NEMP2: variants seen among roughly 807,000 people sequenced by gnomAD.
The protein encoded by NEMP2 is nuclear envelope integral membrane protein 2.
Under a neutral mutation model 54.2 loss-of-function variants are expected in NEMP2, and 53 were observed. The observed-to-expected ratio is 0.98, with a 90% CI of 0.78 to 1.23. The LOEUF is 1.23. Ranked by LOEUF, NEMP2 falls within the 50% of genes most tolerant of loss-of-function variation. NEMP2 has a pLI of 0.00. For missense variants in NEMP2, 455 were observed against 511.3 expected, an observed-to-expected ratio of 0.89 and a Z score of 1.06; for synonymous variants, 197 against 190.3, an observed-to-expected ratio of 1.04 and a Z score of -0.29.
the NEMP2 span, among the ~76,000 whole-genome samples, chr2:190,639,319 T>C: frequency 2.6e-5 from 4 of 152,030 alleles, no homozygotes; most frequent in African/African-American, 9.7e-5. Context: ...CATGTAGTTA[T>C]ACAGGCCAGA....
At position 190,514,729 on chromosome 2, in the gene NEMP2, T is replaced by C. The variant is rs1017726196; in HGVS notation, c.728-51A>G. 6.6e-7 allele frequency: 1 copy of C among 1,507,944 alleles called. No homozygotes were observed. The highest frequency in any genetic ancestry group is 9.0e-7 in the Non-Finnish European group (1 of 1,109,748). The allele number at this position is 1,507,944 out of a possible 1,614,324, so 93.4% of individuals were successfully genotyped here. Reference sequence around the variant, plus strand: ...ATATAAATTTGAATTTGAGACATTATGTGAAAAACCTGGCAGAGCCTTGAC... The same window carrying C: ...ATATAAATTTGAATTTGAGACATTACGTGAAAAACCTGGCAGAGCCTTGAC... On this transcript the variant is annotated intron_variant, in intron 6 of 8. Coordinates refer to ENST00000409150, the MANE Select transcript of NEMP2 (RefSeq NM_001142645.2). This position sits in a 1 kb window ranked among gnomAD's most constrained non-coding sequence, Gnocchi z 5.7.
the NEMP2 span, among the ~76,000 whole-genome samples, chr2:190,559,023 T>C: frequency 6.6e-6 from 1 of 152,190 alleles, no homozygotes. The surrounding 1 kb of genome is among the most constrained non-coding windows in gnomAD (Gnocchi z 4.0). Context: ...CACTTCACAA[T>C]GTTTTCTTAC....
Position 190,510,222 on chromosome 2 carries a change from G to A in NEMP2, c.1130+139C>T. 2 of 939,380 alleles carry A rather than the reference G, an allele frequency of 2.1e-6. No homozygotes were observed. Among genetic ancestry groups the A allele is most frequent in the South Asian group, 1.7e-5 (1 of 57,598 alleles). 58.2% of individuals were successfully genotyped at this position (939,380 alleles called of 1,614,324 possible). A position where few individuals can be genotyped will look rare whatever the true frequency, so the allele number is the denominator to read the frequency against. On this transcript the variant is annotated intron_variant, in intron 8 of 8. Transcript: ENST00000409150. The surrounding 1 kb of genome is among the most constrained non-coding windows in gnomAD (Gnocchi z 5.7). ...GCAAAGTCACAGTACTGAGAAAAGGGACCTCTGACAACTTCCACATCATCT... is the reference window on the plus strand; with the variant it reads ...GCAAAGTCACAGTACTGAGAAAAGGAACCTCTGACAACTTCCACATCATCT...
At chr2:190,584,945 A>C in the NEMP2 span, among the ~76,000 whole-genome samples, 2 of 129,198 alleles carry the variant, frequency 1.5e-5, no homozygotes, top group Non-Finnish European at 3.5e-5. This position sits in a 1 kb window ranked among gnomAD's most constrained non-coding sequence, Gnocchi z 4.2. Flanking sequence ...GAAAGAAAGA[A>C]AGAAAGAAAG....
At chr2:190,423,678 T>A in the NEMP2 span, among the ~76,000 whole-genome samples, 1 of 152,236 alleles carries the variant, frequency 6.6e-6, no homozygotes, top group Non-Finnish European at 1.5e-5. The surrounding 1 kb of genome is among the most constrained non-coding windows in gnomAD (Gnocchi z 4.3). Flanking sequence ...CTGGGTTTTA[T>A]GGTAATCATG....
chr2:190,591,045 CT>C, the NEMP2 span, among the ~76,000 whole-genome samples: 6 of 152,120 alleles, frequency 3.9e-5, no homozygotes, highest in Non-Finnish European at 8.8e-5. This position sits in a 1 kb window ranked among gnomAD's most constrained non-coding sequence, Gnocchi z 5.4. Context: ...GTGACATATG[CT>C]CTTATGGACT....
chr2:190,484,784 T>C, the NEMP2 span, among the ~76,000 whole-genome samples: 26 of 152,190 alleles, frequency 1.7e-4, no homozygotes, highest in African/African-American at 6.3e-4. Context: ...ATGAATTTAA[T>C]TGCTTCTTCA....
chr2:190,559,242 G>T, the NEMP2 span, among the ~76,000 whole-genome samples: 3 of 152,208 alleles, frequency 2.0e-5, no homozygotes, highest in African/African-American at 7.2e-5. The surrounding 1 kb of genome is among the most constrained non-coding windows in gnomAD (Gnocchi z 4.0). Flanking sequence ...GACTAGGAAA[G>T]CAGAAAATGT....
At chr2:190,597,341 GA>G in the NEMP2 span, among the ~76,000 whole-genome samples, 3 of 149,204 alleles carry the variant, frequency 2.0e-5, no homozygotes, top group South Asian at 2.1e-4. This position sits in a 1 kb window ranked among gnomAD's most constrained non-coding sequence, Gnocchi z 4.7. Flanking sequence ...ATAAAGGGGA[GA>G]AAAAAAAAGC....
At chr2:190,610,571 CCAGT>C in the NEMP2 span, 1 of 152,180 alleles carries the variant, frequency 6.6e-6, no homozygotes, top group Admixed American at 6.5e-5. The surrounding 1 kb of genome is among the most constrained non-coding windows in gnomAD (Gnocchi z 5.4). Context: ...GCATACCATT[CCAGT>C]CAAAGCCCTT....
At chr2:190,612,973 T>C in the NEMP2 span, among the ~76,000 whole-genome samples, 1 of 152,204 alleles carries the variant, frequency 6.6e-6, no homozygotes, top group Admixed American at 6.5e-5. Flanking sequence ...TAATATAACT[T>C]TGGATTCTGC....
chr2:190,432,591 A>G, the NEMP2 span, among the ~76,000 whole-genome samples: 35 of 151,988 alleles, frequency 2.3e-4, no homozygotes, highest in African/African-American at 8.4e-4. Flanking sequence ...TAATTTTTGT[A>G]TTTTTAGTAG....
At chr2:190,480,965 C>T in the NEMP2 span, among the ~76,000 whole-genome samples, 3 of 152,050 alleles carry the variant, frequency 2.0e-5, no homozygotes, top group Non-Finnish European at 4.4e-5. Context: ...TGCATTAAAG[C>T]CTGGCTATGA....
the NEMP2 span, among the ~76,000 whole-genome samples, chr2:190,562,680 T>C: frequency 6.6e-6 from 1 of 152,156 alleles, no homozygotes; most frequent in Admixed American, 6.6e-5. This position sits in a 1 kb window ranked among gnomAD's most constrained non-coding sequence, Gnocchi z 5.0. Context: ...TGCCCTAACT[T>C]TATATAAATC....
chr2:190,635,019 T>G, the NEMP2 span, among the ~76,000 whole-genome samples: 1 of 152,210 alleles, frequency 6.6e-6, no homozygotes, highest in African/African-American at 2.4e-5. The surrounding 1 kb of genome is among the most constrained non-coding windows in gnomAD (Gnocchi z 4.1). Context: ...TGGTGTGTTT[T>G]AAATTGATTT....
chr2:190,446,304 G>A, the NEMP2 span, among the ~76,000 whole-genome samples: 1 of 152,188 alleles, frequency 6.6e-6, no homozygotes, highest in Non-Finnish European at 1.5e-5. Context: ...AAAGCCAGGT[G>A]GATGGACGCA....
chr2:190,573,657 C>T, the NEMP2 span, among the ~76,000 whole-genome samples: 1 of 152,172 alleles, frequency 6.6e-6, no homozygotes, highest in East Asian at 1.9e-4. Flanking sequence ...TGTTTTGAAG[C>T]ACCTGAGACT....
chr2:190,514,765 A>C lies in NEMP2; in HGVS notation c.728-87T>G, dbSNP rs1690493370. The C allele has an allele frequency of 2.4e-6, 3 of 1,265,794 alleles. No homozygotes were observed. The highest frequency in any genetic ancestry group is 2.0e-4 in the Middle Eastern group (1 of 5,016). The allele number at this position is 1,265,794 out of a possible 1,614,324, so 78.4% of individuals were successfully genotyped here. A position where few individuals can be genotyped will look rare whatever the true frequency, so the allele number is the denominator to read the frequency against. ...TGGCAGAGCCTTGACTTAAAGGTAA[A>C]AACTATTAGAGAACCTTAATTTTTG... On this transcript the variant is annotated intron_variant, in intron 6 of 8. Coordinates refer to ENST00000409150, the MANE Select transcript of NEMP2 (RefSeq NM_001142645.2). The surrounding 1 kb of genome is among the most constrained non-coding windows in gnomAD (Gnocchi z 5.7).
the NEMP2 span, among the ~76,000 whole-genome samples, chr2:190,638,063 C>T: frequency 2.0e-5 from 3 of 152,224 alleles, no homozygotes; most frequent in South Asian, 4.1e-4. The surrounding 1 kb of genome is among the most constrained non-coding windows in gnomAD (Gnocchi z 5.7). Context: ...ACTGCAGGAG[C>T]GGGAGCAGGG....
Sources: gnomAD v4.1 joint callset for allele counts (sites outside exome capture counted in the v4.1 genomes callset) on GRCh38, gnomAD v4.1.1 for gene constraint, Gnocchi (gnomAD v3.1) non-coding constraint, MANE v1.5 for transcripts, NCBI Gene and HGNC (gene_info 2026-07-23, HGNC 2026-07-21) for gene names.